The following ADAM7 variants were observed in gnomAD, a reference collection of about 807,000 sequenced individuals.
The protein encoded by ADAM7 is disintegrin and metalloproteinase domain-containing protein 7.
ADAM7 carries 97 observed loss-of-function variants against 102.9 expected under a neutral mutation model. The ratio of observed to expected loss-of-function variants is 0.94; its 90% CI spans 0.80 to 1.12. The LOEUF is 1.12. Among genes scored for constraint, ADAM7 ranks in the 50% most tolerant of loss-of-function variants. The pLI, the probability that ADAM7 is intolerant of heterozygous loss-of-function variation, is 0.00. For missense variants in ADAM7, 991 were observed against 908.7 expected, an observed-to-expected ratio of 1.09 and a Z score of -1.16; for synonymous variants, 334 against 304.4, an observed-to-expected ratio of 1.10 and a Z score of -1.01.
In ADAM7 at chr8:24,493,109, G is replaced by A. The variant is rs1312376735; in HGVS notation, c.1722G>A (p.Lys574=). ...GELSSLLGED[K]TYHLKDPQKN... ...TTTCCTCTCTCCTTGGAGAAGACAA[G>A]ACTTATCACCTTAAGGATCCCCAGA... is the stretch of plus-strand genomic sequence containing the variant. The change falls in exon 16 of 22, where the codon AAG becomes AAA. Residue 574 remains lysine, a synonymous_variant. Coordinates refer to ENST00000175238, the MANE Select transcript of ADAM7 (RefSeq NM_003817.4). 5 of 1,612,950 alleles carry A rather than the reference G, an allele frequency of 3.1e-6. No individual in the cohort carries two copies. In the African/African-American group the frequency reaches 4.0e-5, roughly 13 times the overall value.
rs1450759880 is a variant in ADAM7 at position 24,465,713 on chromosome 8, C to T, written c.327C>T (p.Tyr109=). ...TTCTATTTTAGGATCATTGTTTTTA[C>T]CAAGGATCCATAGTACACGAATATG... is the stretch of plus-strand genomic sequence containing the variant. The part of the protein sequence containing the change: ...RHPQIMDHCF[Y]QGSIVHEYDS... Residue 109 remains tyrosine (Y), a synonymous_variant, in exon 5 of 22, where the codon TAC becomes TAT. Coordinates refer to ENST00000175238, the MANE Select transcript of ADAM7 (RefSeq NM_003817.4). 6.2e-7 allele frequency: 1 copy of T among 1,601,546 alleles called. No individual in the cohort carries two copies. The highest frequency in any genetic ancestry group is 8.5e-7 in the Non-Finnish European group (1 of 1,174,062).
intron 16 of ADAM7, among the ~76,000 whole-genome samples, chr8:24,496,900 T>C (rs542965713): frequency 6.6e-6 from 1 of 152,280 alleles, no homozygotes; most frequent in African/African-American, 2.4e-5. Context: ...TGGGGGACTG[T>C]TGGGAAGGCA....
intron 8 of ADAM7, among the ~76,000 whole-genome samples, chr8:24,479,717 T>C (rs1819886002): frequency 1.3e-5 from 2 of 152,114 alleles, no homozygotes; most frequent in African/African-American, 4.8e-5. Context: ...AAGCAGTTCA[T>C]CAATGATATT....
At chr8:24,484,225 A>G (rs1261244625) in intron 9 of ADAM7, among the ~76,000 whole-genome samples, 5 of 152,186 alleles carry the variant, frequency 3.3e-5, no homozygotes, top group Non-Finnish European at 5.9e-5. Context: ...GTAGGAAGAG[A>G]AACATTTCAA....
chr8:24,486,395 T>C (rs1171294292), intron 10 of ADAM7, among the ~76,000 whole-genome samples: 1 of 152,228 alleles, frequency 6.6e-6, no homozygotes, highest in Non-Finnish European at 1.5e-5. Flanking sequence ...GTCTTTAAGA[T>C]TGTATAGCAT....
intron 10 of ADAM7, 148 bp downstream of exon 10, chr8:24,485,509 AAATG>A (rs1378451545): frequency 1.6e-6 from 1 of 616,258 alleles, no homozygotes; most frequent in African/African-American, 1.9e-5. Flanking sequence ...TTCCTTTATT[AAATG>A]AATAAAAATG....
chr8:24,463,257 G>A (rs541082291), intron 3 of ADAM7, among the ~76,000 whole-genome samples: 2 of 152,262 alleles, frequency 1.3e-5, no homozygotes, highest in South Asian at 4.1e-4. Context: ...GGATCAAGAA[G>A]TGGCCATGGG....
chr8:24,451,567 T>C lies in ADAM7; in HGVS notation c.233+4305T>C, dbSNP rs563320985. On this transcript the variant is annotated intron_variant, in intron 3 of 21. Transcript: ENST00000175238. ...TCTTCTTTATTAGTCTTGCTAGTGG[T>C]CTAACAATTTTGTTGATCCTTTCAA... Among the ~76,000 whole-genome samples the C allele has an allele frequency of 2.8e-3, 422 of 152,316 alleles. 2 individuals are homozygous for C. The highest frequency in any genetic ancestry group is 1.0e-2 in the African/African-American group (414 of 41,560).
chr8:24,493,161 A>G lies in ADAM7; in HGVS notation c.1774A>G (p.Ile592Val). ...QKNATVKCKT[I>V]FLYHDSTDIG... is the part of the protein sequence containing the mutation. ...GAATGCTACTGTCAAATGCAAAACT[A>G]TTTTTTTATACCATGATTCTACAGA... The change falls in exon 16 of 22, where the codon ATT becomes GTT. Residue 592 changes from isoleucine (I) to valine (V), a missense_variant. Transcript: ENST00000175238. 1 of 1,613,342 alleles carries G rather than the reference A, an allele frequency of 6.2e-7. No homozygotes were observed. The highest frequency in any genetic ancestry group is 8.5e-7 in the Non-Finnish European group (1 of 1,179,634).
chr8:24,445,509 T>C (rs541224720), intron 2 of ADAM7, among the ~76,000 whole-genome samples: 1 of 152,328 alleles, frequency 6.6e-6, no homozygotes, highest in South Asian at 2.1e-4. Context: ...TCCATCTGAC[T>C]ATCACTGAGG....
chr8:24,447,836 GATA>G (rs1417889224), intron 3 of ADAM7, among the ~76,000 whole-genome samples: 1 of 151,950 alleles, frequency 6.6e-6, no homozygotes, highest in African/African-American at 2.4e-5. Context: ...CAGAGCCCCA[GATA>G]TTAAAAGGAT....
At chr8:24,449,845 T>A (rs1377490898) in intron 3 of ADAM7, among the ~76,000 whole-genome samples, 2 of 152,206 alleles carry the variant, frequency 1.3e-5, no homozygotes, top group African/African-American at 4.8e-5. Flanking sequence ...AAAGAAGAGA[T>A]CCAGTTTCAG....
At chr8:24,483,703 A>G (rs1282039072) in intron 9 of ADAM7, among the ~76,000 whole-genome samples, 1 of 152,150 alleles carries the variant, frequency 6.6e-6, no homozygotes, top group Non-Finnish European at 1.5e-5. Flanking sequence ...GCATGCCCCA[A>G]AATCATGGGG....
In ADAM7 at chr8:24,465,706, G is replaced by C. The variant is rs147639395; in HGVS notation, c.320G>C (p.Cys107Ser). 1 of 1,600,330 alleles carries C rather than the reference G, an allele frequency of 6.2e-7. No individual in the cohort carries two copies. ...FTRHPQIMDH[C>S]FYQGSIVHEY... ...AGTCTTCTTCTATTTTAGGATCATTGTTTTTACCAAGGATCCATAGTACAC... is the reference window on the plus strand; with the variant it reads ...AGTCTTCTTCTATTTTAGGATCATTCTTTTTACCAAGGATCCATAGTACAC... Residue 107 changes from cysteine to serine, a missense_variant, in exon 5 of 22, where the codon TGT becomes TCT. Transcript: ENST00000175238.
intron 16 of ADAM7, among the ~76,000 whole-genome samples, chr8:24,495,454 A>G (rs909529658): frequency 1.2e-4 from 19 of 152,374 alleles, no homozygotes; most frequent in African/African-American, 4.3e-4. Context: ...CGTATAAAAT[A>G]TAAGAGCCAA....
At chr8:24,499,394 A>G (rs1477559779) in intron 17 of ADAM7, 78 bp downstream of exon 17, 6 of 1,019,176 alleles carry the variant, frequency 5.9e-6, no homozygotes, top group South Asian at 1.9e-5. Context: ...ATGTGCATGT[A>G]TATGTATGTA....
chr8:24,442,267 C>T (rs748060150), intron 1 of ADAM7, among the ~76,000 whole-genome samples: 13 of 152,138 alleles, frequency 8.5e-5, no homozygotes, highest in Admixed American at 2.0e-4. Context: ...TTCTTTGGCT[C>T]CTTTCCAAGT....
chr8:24,467,357 C>A, intron 6 of ADAM7: 1 of 282,568 alleles, frequency 3.5e-6, no homozygotes, highest in Non-Finnish European at 6.5e-6. Context: ...GCTATGTTCT[C>A]CCCTTTTTAT....
intron 20 of ADAM7, among the ~76,000 whole-genome samples, chr8:24,502,879 A>G (rs1375294111): frequency 1.3e-5 from 2 of 150,886 alleles, no homozygotes; most frequent in Non-Finnish European, 3.0e-5. Flanking sequence ...TATGAGGCCA[A>G]TATTTCTCTG....
Sources: allele counts gnomAD v4.1 joint callset (sites outside exome capture counted in the v4.1 genomes callset), GRCh38; gene constraint gnomAD v4.1.1; transcripts MANE v1.5; gene names NCBI Gene and HGNC (gene_info 2026-07-23, HGNC 2026-07-21).